The following CSMD1 variants were observed in gnomAD, a reference collection of about 807,000 sequenced individuals.
CSMD1 encodes CUB and sushi domain-containing protein 1.
In CSMD1, 213 loss-of-function variants were observed where a neutral mutation model predicts 417.5. The ratio of observed to expected loss-of-function variants is 0.51; its 90% CI spans 0.46 to 0.57. The LOEUF (loss-of-function observed/expected upper bound fraction) is 0.57. Among genes scored for constraint, CSMD1 ranks in the 20% least tolerant of loss-of-function variants. CSMD1 has a pLI of 0.00. For synonymous variants in CSMD1, 2,862 were observed against 1,736.8 expected (o/e 1.65, Z -16.11); for missense variants, 6,923 against 4,529.7 (o/e 1.53, Z -15.17).
At chr8:3,546,511 G>C (rs1044642005) in intron 10 of CSMD1, among the ~76,000 whole-genome samples, 3 of 151,344 alleles carry the variant, frequency 2.0e-5, no homozygotes, top group African/African-American at 7.3e-5. Context: ...ACTCCAGCCT[G>C]GTGACAGAGT....
At chr8:4,128,114 C>T (rs1014358024) in intron 3 of CSMD1, among the ~76,000 whole-genome samples, 2 of 152,164 alleles carry the variant, frequency 1.3e-5, no homozygotes, top group African/African-American at 2.4e-5. Flanking sequence ...ATCTGGCAAA[C>T]ACTGTCAGGC....
intron 5 of CSMD1, among the ~76,000 whole-genome samples, chr8:3,956,275 A>C (rs1811939486): frequency 6.6e-6 from 1 of 152,206 alleles, no homozygotes; most frequent in South Asian, 2.1e-4. Flanking sequence ...CTTTTAAAAC[A>C]ATGAAACCAT....
intron 2 of CSMD1, among the ~76,000 whole-genome samples, chr8:4,433,209 T>C (rs1334895880): frequency 2.6e-5 from 4 of 152,124 alleles, no homozygotes; most frequent in Non-Finnish European, 5.9e-5. Flanking sequence ...TATTACAATA[T>C]AATAATATTA....
chr8:4,063,398 T>C (rs955435596), intron 3 of CSMD1, among the ~76,000 whole-genome samples: 24 of 152,182 alleles, frequency 1.6e-4, no homozygotes, highest in Non-Finnish European at 2.9e-5. Flanking sequence ...ACTATATAGA[T>C]TATAGTATAT....
Position 2,998,002 on chromosome 8 carries a change from T to C in CSMD1, c.8377+9A>G, listed in dbSNP as rs1232846115. The C allele has an allele frequency of 1.2e-6, 2 of 1,612,044 alleles. No individual in the cohort carries two copies. Among genetic ancestry groups the C allele is most frequent in the Non-Finnish European group, 1.7e-6 (2 of 1,178,912 alleles). On this transcript the variant is annotated intron_variant, in intron 54 of 69. Coordinates refer to ENST00000635120, the MANE Select transcript of CSMD1 (RefSeq NM_033225.6). ...GAGCAAAGGGCTCATTCCTGGATGC[T>C]GTTCCTACCTCGACACGTGGGCAGA...
intron 5 of CSMD1, among the ~76,000 whole-genome samples, chr8:3,949,412 A>C (rs1168520943): frequency 6.6e-6 from 1 of 152,178 alleles, no homozygotes; most frequent in Non-Finnish European, 1.5e-5. Context: ...TCTAACTATC[A>C]CATGGATGAG....
chr8:3,862,451 C>G (rs1204261078), intron 5 of CSMD1, among the ~76,000 whole-genome samples: 1 of 152,138 alleles, frequency 6.6e-6, no homozygotes, highest in African/African-American at 2.4e-5. Flanking sequence ...AGTGTTCCTT[C>G]TCGTAATTCA....
At chr8:3,338,472 G>C (rs1039257877) in intron 23 of CSMD1, among the ~76,000 whole-genome samples, 1 of 152,222 alleles carries the variant, frequency 6.6e-6, no homozygotes, top group Non-Finnish European at 1.5e-5. Flanking sequence ...GACCAATTCA[G>C]GATCCCCCAA....
At chr8:4,692,977 C>T (rs1806870490) in intron 1 of CSMD1, among the ~76,000 whole-genome samples, 1 of 152,162 alleles carries the variant, frequency 6.6e-6, no homozygotes, top group African/African-American at 2.4e-5. Flanking sequence ...CTTATTTCTG[C>T]CATGGTTCCT....
chr8:4,272,216 C>T (rs1202942536), intron 3 of CSMD1, among the ~76,000 whole-genome samples: 3 of 152,120 alleles, frequency 2.0e-5, no homozygotes, highest in Non-Finnish European at 4.4e-5. Flanking sequence ...TACTTTATGG[C>T]TTAGTACTAT....
intron 27 of CSMD1, among the ~76,000 whole-genome samples, chr8:3,228,742 A>T (rs970167771): frequency 2.6e-5 from 4 of 152,118 alleles, no homozygotes; most frequent in Admixed American, 2.6e-4. Context: ...TTGCTTTTTA[A>T]TGTATTCCTC....
chr8:4,480,136 A>T (rs1037807243), intron 2 of CSMD1, among the ~76,000 whole-genome samples: 1 of 151,296 alleles, frequency 6.6e-6, no homozygotes, highest in Non-Finnish European at 1.5e-5. Flanking sequence ...TTTCATTGAG[A>T]ATCTGTTTTC....
intron 40 of CSMD1, 126 bp from the exon 41 acceptor site, chr8:3,142,800 C>G (rs920672381): frequency 1.2e-6 from 1 of 829,948 alleles, no homozygotes; most frequent in Non-Finnish European, 2.0e-6. Flanking sequence ...AGAACCATGC[C>G]GTGGAGGACG....
intron 3 of CSMD1, among the ~76,000 whole-genome samples, chr8:4,206,086 G>C (rs1799960755): frequency 6.6e-6 from 1 of 152,132 alleles, no homozygotes; most frequent in African/African-American, 2.4e-5. Flanking sequence ...AGGACAGAAA[G>C]TGAGTAAATA....
chr8:4,319,246 C>G (rs1334881431), intron 3 of CSMD1, among the ~76,000 whole-genome samples: 1 of 152,008 alleles, frequency 6.6e-6, no homozygotes, highest in East Asian at 1.9e-4. Context: ...GTCATTTTTC[C>G]CTTTTGCTTT....
In CSMD1 at chr8:4,151,994, G is replaced by C. The variant is rs1485198129; in HGVS notation, c.416-119895C>G. 5.3e-5 allele frequency among the ~76,000 whole-genome samples: 8 copies of C among 152,134 alleles called. No individual in the cohort carries two copies. The South Asian group carries it at 1.0e-3, about 20-fold the overall frequency. On this transcript the variant is annotated intron_variant, in intron 3 of 69. Coordinates refer to ENST00000635120, the MANE Select transcript of CSMD1 (RefSeq NM_033225.6). ...AATCCTTCCTGCTTGTGGTTTGCTAGGGGGTCATTTTAACGTAATCAATGT... is the reference window on the plus strand; with the variant it reads ...AATCCTTCCTGCTTGTGGTTTGCTACGGGGTCATTTTAACGTAATCAATGT...
intron 7 of CSMD1, among the ~76,000 whole-genome samples, chr8:3,653,767 C>T (rs994340182): frequency 3.3e-5 from 5 of 152,038 alleles, no homozygotes; most frequent in African/African-American, 1.2e-4. Flanking sequence ...ACAGTGGGTC[C>T]CCAAAATGAC....
intron 1 of CSMD1, among the ~76,000 whole-genome samples, chr8:4,822,857 G>C (rs1799598264): frequency 1.3e-5 from 2 of 152,082 alleles, no homozygotes; most frequent in South Asian, 2.1e-4. Context: ...TTCTCCGTCA[G>C]ATTGTCTTTT....
chr8:3,783,032 A>C (rs1268663322), intron 5 of CSMD1, among the ~76,000 whole-genome samples: 1 of 152,190 alleles, frequency 6.6e-6, no homozygotes, highest in South Asian at 2.1e-4. Flanking sequence ...GCACGCGTTC[A>C]TCTTCTGTAC....
Sources: allele counts gnomAD v4.1 joint callset (sites outside exome capture counted in the v4.1 genomes callset), GRCh38; gene constraint gnomAD v4.1.1; transcripts MANE v1.5; gene names NCBI Gene and HGNC (gene_info 2026-07-23, HGNC 2026-07-21).